Variants in HHLA2 observed in about 807,000 individuals in gnomAD.
The protein encoded by HHLA2 is HHLA2 member of B7 family, also known as HERV-H LTR-associating protein 2.
Under a neutral mutation model 45.9 loss-of-function variants are expected in HHLA2, and 48 were observed. The observed-to-expected ratio is 1.05, with a 90% CI of 0.83 to 1.33. The LOEUF (loss-of-function observed/expected upper bound fraction) is 1.33, where lower values mean the gene tolerates loss of function less well. HHLA2 is among the 40% of genes most tolerant of loss of function. HHLA2 has a pLI of 0.00. For missense variants in HHLA2, 462 were observed against 494.3 expected (o/e 0.93, Z 0.62); for synonymous variants, 161 against 173.9 (o/e 0.93, Z 0.59).
At chr3:108,369,457 C>A (rs62266251) in intron 8 of HHLA2, among the ~76,000 whole-genome samples, 6,096 of 152,174 alleles carry the variant, frequency 0.04, 180 homozygotes, top group Non-Finnish European at 0.053. Context: ...GAGTGCCTGA[C>A]AGTGGGTGCA....
chr3:108,329,275 C>T (rs1428828939), intron 3 of HHLA2, among the ~76,000 whole-genome samples: 2 of 152,116 alleles, frequency 1.3e-5, no homozygotes, highest in Admixed American at 6.5e-5. Context: ...GATTCAGGAT[C>T]AGCCAACATG....
intron 2 of HHLA2, among the ~76,000 whole-genome samples, chr3:108,321,725 T>C (rs1247967063): frequency 2.0e-5 from 3 of 152,112 alleles, no homozygotes; most frequent in South Asian, 4.1e-4. Flanking sequence ...TAAATACTTT[T>C]GTTTTCTACC....
chr3:108,298,873 A>G (rs2080804674), intron 1 of HHLA2, among the ~76,000 whole-genome samples: 1 of 152,124 alleles, frequency 6.6e-6, no homozygotes. Flanking sequence ...TAAGAGATTA[A>G]GATACAAACC....
At chr3:108,340,330 C>T (rs1240917799) in intron 3 of HHLA2, among the ~76,000 whole-genome samples, 3 of 152,178 alleles carry the variant, frequency 2.0e-5, no homozygotes, top group Non-Finnish European at 4.4e-5. Context: ...GCCTGGATCT[C>T]ACTGCCTGAG....
At chr3:108,357,930 G>A (rs1334761546) in exon 7 of HHLA2, 1 of 1,613,822 alleles carries the variant, frequency 6.2e-7, no homozygotes, top group South Asian at 1.1e-5. Context: ...AGACTTCAAA[G>A]TTACTTGGTC....
chr3:108,338,012 T>G (rs1280937391), intron 3 of HHLA2, among the ~76,000 whole-genome samples: 1 of 152,128 alleles, frequency 6.6e-6, no homozygotes, highest in African/African-American at 2.4e-5. Flanking sequence ...TATAAGCCAC[T>G]GTCTCCAGGT....
intron 1 of HHLA2, among the ~76,000 whole-genome samples, chr3:108,301,967 A>G (rs549301381): frequency 6.6e-6 from 1 of 152,266 alleles, no homozygotes; most frequent in East Asian, 1.9e-4. Flanking sequence ...CACATAACTG[A>G]GCTGAGGTAG....
At chr3:108,368,617 CA>C (rs2082110171) in intron 8 of HHLA2, among the ~76,000 whole-genome samples, 1 of 72,130 alleles carries the variant, frequency 1.4e-5, no homozygotes, top group African/African-American at 5.4e-5. Flanking sequence ...TTTAAACCAA[CA>C]AAGATCAAAA....
chr3:108,355,198 C>G (rs1274826388), exon 6 of HHLA2: 1 of 1,613,728 alleles, frequency 6.2e-7, no homozygotes, highest in Admixed American at 1.7e-5. Flanking sequence ...TTATCCTCGT[C>G]CAATTATCAC....
At chr3:108,327,619 A>T (rs936156247) in intron 2 of HHLA2, among the ~76,000 whole-genome samples, 1 of 152,042 alleles carries the variant, frequency 6.6e-6, no homozygotes, top group African/African-American at 2.4e-5. Flanking sequence ...CTTATTTCCC[A>T]GTTCTTGTAG....
chr3:108,342,920 G>C (rs947460342), intron 3 of HHLA2, among the ~76,000 whole-genome samples: 10 of 152,178 alleles, frequency 6.6e-5, no homozygotes, highest in Admixed American at 6.5e-4. Context: ...ACAGCACCTG[G>C]TGGGAGCCCT....
At position 108,303,438 on chromosome 3, in the gene HHLA2, C is replaced by T. The variant is rs150860728; in HGVS notation, c.-192+6839C>T. ...AGCTCTACATTCTTATTAGTTATCT[C>T]TAGAAATTTTAGTCCATATTTTGTT... On this transcript the variant is annotated intron_variant, in intron 1 of 10. Transcript: ENST00000619531. Among the ~76,000 whole-genome samples the T allele has an allele frequency of 2.8e-3, 428 of 152,278 alleles. 3 individuals carry two copies. The highest frequency in any genetic ancestry group is 0.01 in the Middle Eastern group (3 of 294).
intron 4 of HHLA2, among the ~76,000 whole-genome samples, chr3:108,352,168 C>T (rs1040849069): frequency 1.3e-5 from 2 of 150,680 alleles, no homozygotes; most frequent in African/African-American, 2.4e-5. Flanking sequence ...TAAGTGTAAG[C>T]TTGGTACTTA....
At chr3:108,304,615 A>C (rs745946868) in intron 1 of HHLA2, among the ~76,000 whole-genome samples, 3 of 152,216 alleles carry the variant, frequency 2.0e-5, no homozygotes, top group Non-Finnish European at 4.4e-5. Context: ...ATTTTGAAGA[A>C]CAACCAGTCG....
intron 8 of HHLA2, among the ~76,000 whole-genome samples, chr3:108,373,221 CA>C (rs2082211403): frequency 6.6e-6 from 1 of 151,018 alleles, no homozygotes; most frequent in South Asian, 2.2e-4. Context: ...GAACCAAAGA[CA>C]AAAACGACAT....
intron 7 of HHLA2, among the ~76,000 whole-genome samples, chr3:108,361,688 T>C (rs2081987139): frequency 6.6e-6 from 1 of 151,922 alleles, no homozygotes; most frequent in Non-Finnish European, 1.5e-5. Flanking sequence ...GTTTCAGGCA[T>C]CCACTTGGGG....
intron 3 of HHLA2, among the ~76,000 whole-genome samples, chr3:108,329,537 C>A (rs965653391): frequency 2.6e-5 from 4 of 152,172 alleles, no homozygotes; most frequent in South Asian, 2.1e-4. Context: ...TTCAGCGGGT[C>A]TAAATATACT....
At chr3:108,299,363 A>G (rs1375085985) in intron 1 of HHLA2, among the ~76,000 whole-genome samples, 1 of 148,928 alleles carries the variant, frequency 6.7e-6, no homozygotes, top group Non-Finnish European at 1.5e-5. Flanking sequence ...TATAATACAT[A>G]AATATATAAA....
At chr3:108,302,517 G>A (rs981819191) in intron 1 of HHLA2, 2 of 148,934 alleles carry the variant, frequency 1.3e-5, no homozygotes, top group Admixed American at 6.6e-5. Flanking sequence ...CGACTTTTTT[G>A]AATTAGTTTT....
Sources: gnomAD v4.1 joint callset for allele counts (sites outside exome capture counted in the v4.1 genomes callset) on GRCh38, gnomAD v4.1.1 for gene constraint, MANE v1.5 for transcripts, NCBI Gene and HGNC (gene_info 2026-07-23, HGNC 2026-07-21) for gene names.